The following STRADA variants were observed in gnomAD, a reference collection of about 807,000 sequenced individuals.
STRADA encodes STE20 related adaptor alpha.
A neutral mutation model predicts 55.0 loss-of-function variants in STRADA; 26 were observed. That is an observed-to-expected ratio of 0.47 (90% CI 0.35 to 0.66). The LOEUF (loss-of-function observed/expected upper bound fraction) is 0.66, where lower values mean the gene tolerates loss of function less well. Among genes scored for constraint, STRADA ranks in the 30% least tolerant of loss-of-function variants. STRADA has a pLI of 0.01. For missense variants in STRADA, 443 were observed against 549.7 expected, an observed-to-expected ratio of 0.81 and a Z score of 1.94; for synonymous variants, 197 against 210.9, an observed-to-expected ratio of 0.93 and a Z score of 0.57.
intron 1 of STRADA, among the ~76,000 whole-genome samples, chr17:63,736,838 G>GC (rs75758752): frequency 2.2e-4 from 15 of 66,898 alleles, no homozygotes; most frequent in East Asian, 3.6e-4. Context: ...TTCCCCCCAC[G>GC]CCCCCCCCAC....
intron 4 of STRADA, 143 bp downstream of exon 4, chr17:63,723,155 C>T (rs1334364218): frequency 2.9e-6 from 3 of 1,048,558 alleles, no homozygotes; most frequent in East Asian, 2.4e-5. Context: ...TGAATCTCCA[C>T]AAGTACAAAA....
intron 4 of STRADA, 34 bp downstream of exon 4, chr17:63,723,264 C>T (rs745366224): frequency 3.1e-6 from 5 of 1,612,448 alleles, no homozygotes; most frequent in Non-Finnish European, 4.2e-6. Flanking sequence ...CTCCATGCAA[C>T]AGCCATAGTG....
chr17:63,711,278 T>C (rs1019567963), intron 6 of STRADA, among the ~76,000 whole-genome samples: 1 of 152,328 alleles, frequency 6.6e-6, no homozygotes, highest in Admixed American at 6.5e-5. Flanking sequence ...CAAGCAGTCC[T>C]TCTGCCTCAG....
In STRADA at chr17:63,703,460, A is replaced by G; in HGVS notation, c.*139T>C. 1.3e-6 allele frequency: 1 copy of G among 787,642 alleles called. No individual in the cohort carries two copies. Among genetic ancestry groups the G allele is most frequent in the Non-Finnish European group, 2.0e-6 (1 of 499,220 alleles). The allele number at this position is 787,642 out of a possible 1,614,324, so 48.8% of individuals were successfully genotyped here. ...CTCTCCAGGATTTTCTTTCCCAATCAGTCAGCAGTCAACTTTCCTGGAAGA... is the reference window on the plus strand; with the variant it reads ...CTCTCCAGGATTTTCTTTCCCAATCGGTCAGCAGTCAACTTTCCTGGAAGA... On this transcript the variant is annotated 3_prime_UTR_variant, in exon 13 of 13. Coordinates refer to ENST00000336174, the MANE Select transcript of STRADA (RefSeq NM_001003787.4).
chr17:63,741,059 AC>A (rs1235021053), intron 1 of STRADA: 1 of 152,196 alleles, frequency 6.6e-6, no homozygotes, highest in East Asian at 1.9e-4. Context: ...GCAAATTCCA[AC>A]GGCTCTTTCT....
chr17:63,704,409 G>A lies in STRADA; in HGVS notation c.1032C>T (p.Tyr344=), dbSNP rs771353929. The A allele has an allele frequency of 1.2e-6, 2 of 1,612,624 alleles. No individual in the cohort carries two copies. Among genetic ancestry groups the A allele is most frequent in the East Asian group, 4.5e-5 (2 of 44,842 alleles). The change falls in exon 11 of 13, where the codon TAC becomes TAT. Residue 344 remains tyrosine, a synonymous_variant. Transcript: ENST00000336174. ...PSNGDSPSHP[Y]HRTFSPHFHH... Reference sequence around the variant, plus strand: ...GGAAGTGGGGGGAGAAGGTTCGGTGGTAGGGGTGGGAGGGCGAGTCACCGT... The same window carrying A: ...GGAAGTGGGGGGAGAAGGTTCGGTGATAGGGGTGGGAGGGCGAGTCACCGT...
intron 4 of STRADA, chr17:63,715,611 T>C (rs2036819260): frequency 6.6e-6 from 1 of 152,086 alleles, no homozygotes; most frequent in Non-Finnish European, 1.5e-5. Flanking sequence ...GGAGCTGAGA[T>C]TATTGGCTGT....
At chr17:63,726,807 G>A in intron 2 of STRADA, 112 bp from the exon 3 acceptor site, 3 of 1,011,022 alleles carry the variant, frequency 3.0e-6, no homozygotes, top group Non-Finnish European at 4.5e-6. Flanking sequence ...GAATCATGCA[G>A]TACAGTTAGG....
At chr17:63,711,955 AAAAG>A (rs1400604043) in intron 6 of STRADA, among the ~76,000 whole-genome samples, 1 of 152,130 alleles carries the variant, frequency 6.6e-6, no homozygotes, top group Non-Finnish European at 1.5e-5. Flanking sequence ...AAAAAAAAGA[AAAAG>A]AAAACACAGT....
chr17:63,711,427 T>C (rs1348609439), intron 6 of STRADA, among the ~76,000 whole-genome samples: 1 of 152,182 alleles, frequency 6.6e-6, no homozygotes, highest in African/African-American at 2.4e-5. Flanking sequence ...CCCGTCTCAC[T>C]GCAGCCTGAA....
At chr17:63,713,237 G>T (rs1320303670) in intron 6 of STRADA, among the ~76,000 whole-genome samples, 169 bp downstream of exon 6, 1 of 152,180 alleles carries the variant, frequency 6.6e-6, no homozygotes, top group Non-Finnish European at 1.5e-5. Flanking sequence ...AAATTAGGCT[G>T]AGCAGCATTT....
At chr17:63,741,453 C>T (rs909981394) in intron 1 of STRADA, 3 of 152,496 alleles carry the variant, frequency 2.0e-5, no homozygotes, top group Admixed American at 6.5e-5. Context: ...AGGTTCCCCA[C>T]CTGGAAGTCC....
At chr17:63,731,707 A>C (rs2038068708) in intron 1 of STRADA, among the ~76,000 whole-genome samples, 1 of 152,330 alleles carries the variant, frequency 6.6e-6, no homozygotes, top group Non-Finnish European at 1.5e-5. Context: ...AGCATCATGC[A>C]AAAGAAATTT....
intron 1 of STRADA, among the ~76,000 whole-genome samples, chr17:63,728,877 G>A (rs1457802436): frequency 7.2e-6 from 1 of 139,810 alleles, no homozygotes; most frequent in Non-Finnish European, 1.5e-5. Flanking sequence ...GGGTGACAGA[G>A]TGAGACTGTC....
At chr17:63,723,931 C>G (rs2037476235) in intron 3 of STRADA, 1 of 152,214 alleles carries the variant, frequency 6.6e-6, no homozygotes, top group Non-Finnish European at 1.5e-5. Context: ...AAATAACTTT[C>G]TGTTCTTAAG....
At chr17:63,730,253 C>G (rs1461781131) in intron 1 of STRADA, among the ~76,000 whole-genome samples, 1 of 152,158 alleles carries the variant, frequency 6.6e-6, no homozygotes, top group Non-Finnish European at 1.5e-5. Context: ...GCCAACATCT[C>G]TGCTATTTGC....
intron 1 of STRADA, among the ~76,000 whole-genome samples, chr17:63,739,746 GA>G: frequency 9.2e-6 from 1 of 109,056 alleles, no homozygotes; most frequent in Admixed American, 8.4e-5. Flanking sequence ...TATACATATT[GA>G]TACATTATAT....
intron 1 of STRADA, among the ~76,000 whole-genome samples, chr17:63,735,030 CTG>C (rs2038317721): frequency 6.6e-6 from 1 of 152,080 alleles, no homozygotes; most frequent in Non-Finnish European, 1.5e-5. Context: ...TGGCGGGCAC[CTG>C]TAAGCTCAGC....
chr17:63,706,579 C>A, intron 10 of STRADA, 56 bp downstream of exon 10: 2 of 1,300,420 alleles, frequency 1.5e-6, no homozygotes, highest in Non-Finnish European at 2.2e-6. Flanking sequence ...AGCTACTCAA[C>A]GAACATCTGT....
Sources: gnomAD v4.1 joint callset for allele counts (sites outside exome capture counted in the v4.1 genomes callset) on GRCh38, gnomAD v4.1.1 for gene constraint, MANE v1.5 for transcripts, NCBI Gene and HGNC (gene_info 2026-07-23, HGNC 2026-07-21) for gene names.